PDGFD: variants seen among roughly 807,000 people sequenced by gnomAD.
PDGFD encodes the protein platelet-derived growth factor D.
In PDGFD, 30 loss-of-function variants were observed where a neutral mutation model predicts 44.7. The observed-to-expected ratio is 0.67, with a 90% confidence interval of 0.50 to 0.91. The LOEUF (loss-of-function observed/expected upper bound fraction) is 0.91. PDGFD is among the 40% of genes least tolerant of loss of function. The pLI is 0.00. For missense variants in PDGFD, 445 were observed against 457.8 expected (o/e 0.97, Z 0.25); for synonymous variants, 173 against 168.4 (o/e 1.03, Z -0.21).
rs187075434 is a variant in PDGFD, at chr11:104,046,560, A to G, written c.125-46305T>C. Among the ~76,000 whole-genome samples the G allele has an allele frequency of 1.1e-3, 168 of 147,354 alleles. 7 individuals carry two copies. Among genetic ancestry groups the G allele is most frequent in the South Asian group, 4.0e-3 (17 of 4,298 alleles). On this transcript the variant is annotated intron_variant, in intron 1 of 6. Transcript: ENST00000393158. ...TATGTCTCCATATGGCAAGGCCTCC[A>G]CTGTCAAAGCCTCACTGCATAATGA...
chr11:104,144,262 G>A (rs535644861), intron 1 of PDGFD, among the ~76,000 whole-genome samples: 4 of 152,024 alleles, frequency 2.6e-5, no homozygotes, highest in African/African-American at 9.6e-5. Flanking sequence ...CATTTAAAAA[G>A]TCCAGAGGCC....
At chr11:104,037,903 C>T in intron 1 of PDGFD, 1 of 1,614,174 alleles carries the variant, frequency 6.2e-7, no homozygotes, top group Non-Finnish European at 8.5e-7. Flanking sequence ...GACTTATTTT[C>T]TTCCTGAGGG....
intron 6 of PDGFD, among the ~76,000 whole-genome samples, chr11:103,917,799 A>G (rs1489604071): frequency 6.6e-6 from 1 of 152,110 alleles, no homozygotes; most frequent in African/African-American, 2.4e-5. Flanking sequence ...CATGCCTTCA[A>G]TTTCCTTTTA....
intron 1 of PDGFD, among the ~76,000 whole-genome samples, chr11:104,018,152 A>C (rs1377815375): frequency 6.6e-6 from 1 of 150,906 alleles, no homozygotes; most frequent in Non-Finnish European, 1.5e-5. Flanking sequence ...CCCCCTCCAC[A>C]CACACCCCAT....
chr11:104,010,184 CTT>C (rs35905360), intron 1 of PDGFD, among the ~76,000 whole-genome samples: 11 of 146,180 alleles, frequency 7.5e-5, no homozygotes, highest in Non-Finnish European at 1.1e-4. Context: ...AGTTACATAT[CTT>C]TTTTTTTTTT....
At chr11:104,090,062 A>G (rs930991760) in intron 1 of PDGFD, among the ~76,000 whole-genome samples, 4 of 152,204 alleles carry the variant, frequency 2.6e-5, no homozygotes, top group African/African-American at 9.6e-5. Flanking sequence ...CATAATTTTT[A>G]TAAGAGTGAT....
At chr11:103,948,647 C>G (rs1858697926) in intron 3 of PDGFD, among the ~76,000 whole-genome samples, 1 of 152,136 alleles carries the variant, frequency 6.6e-6, no homozygotes, top group Non-Finnish European at 1.5e-5. Flanking sequence ...TGAGAGGATG[C>G]TGAGAAATGT....
intron 1 of PDGFD, among the ~76,000 whole-genome samples, chr11:104,051,806 C>CT (rs373050828): frequency 2.0e-5 from 3 of 151,832 alleles, no homozygotes; most frequent in South Asian, 4.2e-4. Context: ...AACCACTGTG[C>CT]TTTTTTTGAC....
intron 3 of PDGFD, among the ~76,000 whole-genome samples, chr11:103,991,581 T>C (rs1859453958): frequency 6.6e-6 from 1 of 152,232 alleles, no homozygotes; most frequent in Non-Finnish European, 1.5e-5. Context: ...AAGAAAGTTT[T>C]TGAGTAGCTT....
chr11:104,057,468 A>G (rs1315741856), intron 1 of PDGFD, among the ~76,000 whole-genome samples: 5 of 140,284 alleles, frequency 3.6e-5, no homozygotes, highest in African/African-American at 1.4e-4. Flanking sequence ...AGTGGGAGCT[A>G]AACACTGGAT....
At chr11:104,110,414 GA>G (rs1413943068) in intron 1 of PDGFD, among the ~76,000 whole-genome samples, 1 of 149,658 alleles carries the variant, frequency 6.7e-6, no homozygotes, top group Non-Finnish European at 1.5e-5. Flanking sequence ...TCAGACCTCC[GA>G]AAAAATGCCA....
chr11:104,162,183 G>C (rs563088935), intron 1 of PDGFD, among the ~76,000 whole-genome samples: 1 of 151,170 alleles, frequency 6.6e-6, no homozygotes, highest in South Asian at 2.1e-4. Context: ...TACATAACTT[G>C]GTTTTAGTCA....
chr11:104,049,695 A>G (rs59994050), intron 1 of PDGFD, among the ~76,000 whole-genome samples: 41,208 of 151,988 alleles, frequency 0.27, 6,354 homozygotes, highest in Admixed American at 0.39. Context: ...TGAGAGGGAA[A>G]TAAAGAAAAT....
chr11:104,099,448 T>C (rs1053937306), intron 1 of PDGFD, among the ~76,000 whole-genome samples: 3 of 151,944 alleles, frequency 2.0e-5, no homozygotes, highest in Non-Finnish European at 4.4e-5. Context: ...TAGACCAGCC[T>C]GGGCAACATG....
At chr11:103,966,569 A>G (rs1859023875) in intron 3 of PDGFD, among the ~76,000 whole-genome samples, 1 of 152,228 alleles carries the variant, frequency 6.6e-6, no homozygotes, top group African/African-American at 2.4e-5. Flanking sequence ...CCAACTTCTT[A>G]GTTTACTGAT....
At chr11:104,058,764 T>C (rs1226060346) in intron 1 of PDGFD, among the ~76,000 whole-genome samples, 1 of 152,116 alleles carries the variant, frequency 6.6e-6, no homozygotes, top group African/African-American at 2.4e-5. Flanking sequence ...ATAAACCAAA[T>C]TACAGGAGTT....
At position 104,163,900 on chromosome 11, in the gene PDGFD, G is replaced by A. The variant is rs1160561213; in HGVS notation, c.28C>T (p.Leu10=). 3 of 1,561,452 alleles carry A rather than the reference G, an allele frequency of 1.9e-6. No homozygotes were observed. Among genetic ancestry groups the A allele is most frequent in the African/African-American group, 2.7e-5 (2 of 74,340 alleles). The change falls in exon 1 of 7, where the codon CTA becomes TTA. Residue 10 remains leucine (L), a synonymous_variant. Transcript: ENST00000393158. MHRLIFVYT[L]ICANFCSCRD... ...CAGCTGCAAAAGTTTGCGCAGATTA[G>A]AGTGTAGACAAAGATGAGCCGGTGC...
chr11:104,058,169 A>ACT (rs1860652234), intron 1 of PDGFD, among the ~76,000 whole-genome samples: 1 of 152,228 alleles, frequency 6.6e-6, no homozygotes, highest in Non-Finnish European at 1.5e-5. Flanking sequence ...ACTTCATTAA[A>ACT]ATTAAAAACT....
chr11:104,122,567 T>C (rs1861792208), intron 1 of PDGFD, among the ~76,000 whole-genome samples: 1 of 152,026 alleles, frequency 6.6e-6, no homozygotes, highest in Non-Finnish European at 1.5e-5. Context: ...ATCCTCTTTC[T>C]TTCACCTATT....
Sources: gnomAD v4.1 joint callset for allele counts (sites outside exome capture counted in the v4.1 genomes callset) on GRCh38, gnomAD v4.1.1 for gene constraint, MANE v1.5 for transcripts, NCBI Gene and HGNC (gene_info 2026-07-23, HGNC 2026-07-21) for gene names.